MINDY4B: variants seen among roughly 807,000 people sequenced by gnomAD.
MINDY4B encodes the protein inactive ubiquitin carboxyl-terminal hydrolase MINDY-4B.
MINDY4B carries 25 observed loss-of-function variants against 16.7 expected under a neutral mutation model. The ratio of observed to expected loss-of-function variants is 1.49; its 90% CI spans 1.09 to 2.09. MINDY4B has a LOEUF of 2.09. MINDY4B is among the 30% of genes most tolerant of loss of function. The pLI, the probability that MINDY4B is intolerant of heterozygous loss-of-function variation, is 0.00. For missense variants in MINDY4B, 327 were observed against 168.4 expected (o/e 1.94, Z -5.21); for synonymous variants, 132 against 61.9 (o/e 2.13, Z -5.32).
rs563673875 is a variant in MINDY4B at position 150,891,054 on chromosome 3, G to A, written c.571C>T (p.Leu191Phe). The A allele has an allele frequency of 3.8e-4, 269 of 702,840 alleles. 3 individuals carry two copies. In the East Asian group the frequency reaches 6.8e-3, roughly 18 times the overall value. 43.5% of individuals were successfully genotyped at this position (702,840 alleles called of 1,614,324 possible). A position where few individuals can be genotyped will look rare whatever the true frequency, so the allele number is the denominator to read the frequency against. Residue 191 changes from leucine (L) to phenylalanine (F), a missense_variant, in exon 6 of 12, where the codon CTT becomes TTT. Leu to Phe is a conservative substitution (Grantham distance 22). Transcript: ENST00000465419. The stretch of plus-strand genomic sequence containing the variant: ...CCTGCAGCCCACAGGATGCCAGCAA[G>A]CGCCGCGGCCAAGGCTTGCTCCTGC... Reference protein sequence around the residue: ...KEQEQALAAALAGILWAAGAA... With the variant: ...KEQEQALAAAFAGILWAAGAA...
rs1002896531 is a variant in MINDY4B, at chr3:150,903,365, G to C, written c.193C>G (p.Leu65Val). The C allele has an allele frequency of 1.1e-4, 43 of 398,440 alleles. No individual in the cohort carries two copies. The East Asian group carries it at 1.5e-3, about 14-fold the overall frequency. The allele number at this position is 398,440 out of a possible 1,614,324, so 24.7% of individuals were successfully genotyped here. ...SADENEDGTG[L>V]SQPKGQGHLP... ...TGTCCTTGTCCTTTGGGCTGAGATA[G>C]TCCTGTTCCATCTTCATTTTCATCA... Residue 65 changes from leucine (L) to valine (V), a missense_variant, in exon 3 of 12, where the codon CTA becomes GTA. Coordinates refer to ENST00000465419, the MANE Select transcript of MINDY4B (RefSeq NM_001351281.2).
chr3:150,880,476 A>G (rs1711513671), intron 10 of MINDY4B, among the ~76,000 whole-genome samples: 1 of 152,168 alleles, frequency 6.6e-6, no homozygotes, highest in African/African-American at 2.4e-5. Context: ...ATGTATTAGG[A>G]AAAAAAATCA....
intron 5 of MINDY4B, 77 bp from the exon 6 acceptor site, chr3:150,891,180 C>T: frequency 1.5e-6 from 1 of 655,916 alleles, no homozygotes; most frequent in Non-Finnish European, 2.8e-6. Context: ...GTAATTTGCT[C>T]CTGGTCATTG....
chr3:150,879,433 A>G (rs537953668), intron 10 of MINDY4B, among the ~76,000 whole-genome samples: 58 of 152,252 alleles, frequency 3.8e-4, no homozygotes, highest in African/African-American at 1.3e-3. Flanking sequence ...ACAATTAACC[A>G]CTTCAAAATT....
chr3:150,889,301 C>A (rs1156291846), intron 7 of MINDY4B, among the ~76,000 whole-genome samples: 3 of 152,252 alleles, frequency 2.0e-5, no homozygotes, highest in African/African-American at 7.2e-5. Context: ...AAAGGCCCTG[C>A]CCACATTCCT....
chr3:150,903,035 C>T (rs367798779), intron 3 of MINDY4B, among the ~76,000 whole-genome samples: 2 of 152,300 alleles, frequency 1.3e-5, no homozygotes, highest in Non-Finnish European at 1.5e-5. Context: ...TAAAGAGAGA[C>T]TCAGAGTTTG....
chr3:150,883,631 T>C (rs1711560435), intron 9 of MINDY4B, 69 bp downstream of exon 9: 1 of 666,876 alleles, frequency 1.5e-6, no homozygotes, highest in African/African-American at 1.8e-5. Flanking sequence ...TTTTTTCTTT[T>C]TCAAACTCTG....
intron 9 of MINDY4B, among the ~76,000 whole-genome samples, chr3:150,883,481 T>C (rs1428413319): frequency 6.6e-6 from 1 of 152,200 alleles, no homozygotes; most frequent in African/African-American, 2.4e-5. Flanking sequence ...TAAGGAGGAC[T>C]GTTATGAAAA....
chr3:150,904,016 T>C (rs1014598717), intron 2 of MINDY4B, among the ~76,000 whole-genome samples: 1 of 152,252 alleles, frequency 6.6e-6, no homozygotes, highest in Non-Finnish European at 1.5e-5. Context: ...ATACTAATGT[T>C]GTGCAACAAA....
rs368589374 is a variant in MINDY4B at position 150,892,602 on chromosome 3, T to C, written c.521+722A>G. Among the ~76,000 whole-genome samples the C allele has an allele frequency of 2.6e-5, 4 of 152,248 alleles. No individual in the cohort carries two copies. In the East Asian group the frequency reaches 7.7e-4, roughly 29 times the overall value. On this transcript the variant is annotated intron_variant, in intron 5 of 11. Coordinates refer to ENST00000465419, the MANE Select transcript of MINDY4B (RefSeq NM_001351281.2). ...AGTAATTTGAATAAACTTGAGCTGATCTTTAAAAATAGGCAAAAACCAAAC... is the reference window on the plus strand; with the variant it reads ...AGTAATTTGAATAAACTTGAGCTGACCTTTAAAAATAGGCAAAAACCAAAC...
chr3:150,890,218 G>C (rs1711761720), intron 7 of MINDY4B, 102 bp downstream of exon 7: 2 of 407,946 alleles, frequency 4.9e-6, no homozygotes, highest in Admixed American at 4.3e-5. Context: ...AAATGACCTG[G>C]TTTTCTTAAC....
rs1467982487 is a variant in MINDY4B, at chr3:150,893,356, A to G, written c.489T>C (p.Phe163=). The stretch of plus-strand genomic sequence containing the variant: ...GGTTACAGTCTTTTCCTTTCCTGGT[A>G]AACAACAAGTATTTGATGATGGATC... ...VQGSIIKYLL[F]TRKGKDCNLG... Residue 163 remains phenylalanine, a synonymous_variant, in exon 5 of 12, where the codon TTT becomes TTC. Coordinates refer to ENST00000465419, the MANE Select transcript of MINDY4B (RefSeq NM_001351281.2). 2 of 702,698 alleles carry G rather than the reference A, an allele frequency of 2.8e-6. No homozygotes were observed. Among genetic ancestry groups the G allele is most frequent in the Non-Finnish European group, 5.2e-6 (2 of 384,832 alleles). The allele number at this position is 702,698 out of a possible 1,614,324, so 43.5% of individuals were successfully genotyped here.
intron 10 of MINDY4B, among the ~76,000 whole-genome samples, chr3:150,876,586 C>T (rs57277739): frequency 0.019 from 2,905 of 152,240 alleles, 72 homozygotes; most frequent in African/African-American, 0.063. Flanking sequence ...GTTTGCAGGG[C>T]GCTACCTCAG....
At chr3:150,871,257 G>T (rs1716959102) in intron 11 of MINDY4B, 70 bp from the exon 12 acceptor site, 1 of 662,122 alleles carries the variant, frequency 1.5e-6, no homozygotes, top group East Asian at 2.7e-5. Context: ...CACTAAAGAA[G>T]GACAGAAGGG....
rs1711792043 is a variant in MINDY4B at position 150,891,098 on chromosome 3, C to T, written c.527G>A (p.Cys176Tyr). The T allele has an allele frequency of 7.1e-6, 5 of 702,070 alleles. No homozygotes were observed. The highest frequency in any genetic ancestry group is 1.3e-5 in the Non-Finnish European group (5 of 384,248). The allele number at this position is 702,070 out of a possible 1,614,324, so 43.5% of individuals were successfully genotyped here. Residue 176 changes from cysteine (C) to tyrosine (Y), a missense_variant, in exon 6 of 12, where the codon TGT becomes TAT. Cys to Tyr is a radical substitution (Grantham distance 194). Transcript: ENST00000465419. ...KGKDCNLGNL[C>Y]EISKKEQEQA... Reference sequence around the variant, plus strand: ...CTCCTGCTCCTTCTTGCTTATTTCACATAAGCTATAATGCAGAAGGCAGGA... The same window carrying T: ...CTCCTGCTCCTTCTTGCTTATTTCATATAAGCTATAATGCAGAAGGCAGGA...
intron 3 of MINDY4B, among the ~76,000 whole-genome samples, chr3:150,902,707 A>G (rs1712147756): frequency 6.6e-6 from 1 of 152,228 alleles, no homozygotes; most frequent in Non-Finnish European, 1.5e-5. Context: ...CCCGGGACCA[A>G]TAGCTTACAG....
intron 4 of MINDY4B, 49 bp downstream of exon 4, chr3:150,894,137 T>C (rs577603379): frequency 4.6e-6 from 3 of 646,406 alleles, no homozygotes; most frequent in Admixed American, 2.6e-5. Flanking sequence ...GATATATGGA[T>C]AAGGAACATG....
intron 7 of MINDY4B, among the ~76,000 whole-genome samples, chr3:150,887,952 C>CA (rs1559966591): frequency 1.3e-5 from 2 of 151,848 alleles, no homozygotes; most frequent in Non-Finnish European, 2.9e-5. Context: ...ACTAAAAATA[C>CA]AAAAAATTAG....
At chr3:150,884,356 A>G (rs908907439) in intron 8 of MINDY4B, among the ~76,000 whole-genome samples, 1 of 152,196 alleles carries the variant, frequency 6.6e-6, no homozygotes, top group Non-Finnish European at 1.5e-5. Flanking sequence ...GAACAAATCT[A>G]TTCATGGAAC....
Sources: allele counts gnomAD v4.1 joint callset (sites outside exome capture counted in the v4.1 genomes callset), GRCh38; gene constraint gnomAD v4.1.1; transcripts MANE v1.5; gene names NCBI Gene and HGNC (gene_info 2026-07-23, HGNC 2026-07-21).